Variants in AGMO observed in about 807,000 individuals in gnomAD.
AGMO encodes the protein glyceryl-ether monooxygenase.
Under a neutral mutation model 60.2 loss-of-function variants are expected in AGMO, and 75 were observed. That is an observed-to-expected ratio of 1.25 (90% confidence interval 1.03 to 1.51). The LOEUF (loss-of-function observed/expected upper bound fraction) is 1.51, where lower values mean the gene tolerates loss of function less well. AGMO is among the 40% of genes most tolerant of loss of function. AGMO has a pLI of 0.00. For missense variants in AGMO, 763 were observed against 525.5 expected (o/e 1.45, Z -4.42); for synonymous variants, 261 against 177.1 (o/e 1.47, Z -3.76).
At chr7:15,286,440 G>T (rs995643498) in intron 12 of AGMO, among the ~76,000 whole-genome samples, 1 of 151,972 alleles carries the variant, frequency 6.6e-6, no homozygotes, top group African/African-American at 2.4e-5. Flanking sequence ...CTCAAAAGAA[G>T]ATATACAAAT....
At chr7:15,348,000 G>C (rs923111789) in intron 12 of AGMO, among the ~76,000 whole-genome samples, 1 of 151,944 alleles carries the variant, frequency 6.6e-6, no homozygotes, top group Non-Finnish European at 1.5e-5. Flanking sequence ...CTCAGCTCTT[G>C]ATCTCAAAGA....
intron 12 of AGMO, among the ~76,000 whole-genome samples, chr7:15,288,535 G>A (rs1784164990): frequency 6.6e-6 from 1 of 151,946 alleles, no homozygotes; most frequent in Non-Finnish European, 1.5e-5. Flanking sequence ...TATAAAGGCA[G>A]AGTCTTTCAC....
chr7:15,499,784 C>T (rs1783328245), intron 3 of AGMO, among the ~76,000 whole-genome samples: 1 of 151,398 alleles, frequency 6.6e-6, no homozygotes, highest in African/African-American at 2.4e-5. Flanking sequence ...CAAAAATGTG[C>T]AATGCAACTG....
chr7:15,317,048 T>A (rs1488415974), intron 12 of AGMO, among the ~76,000 whole-genome samples: 2 of 152,142 alleles, frequency 1.3e-5, no homozygotes, highest in Admixed American at 1.3e-4. Context: ...AGTCAGTATT[T>A]TAAAAATACT....
chr7:15,341,995 G>A (rs1297185520), intron 12 of AGMO, among the ~76,000 whole-genome samples: 1 of 151,768 alleles, frequency 6.6e-6, no homozygotes, highest in Non-Finnish European at 1.5e-5. Context: ...AATTCAAGAT[G>A]AGATTTGGGT....
rs578128884 is a variant in AGMO, at chr7:15,288,322, T to G, written c.1263+77192A>C. Among the ~76,000 whole-genome samples the G allele has an allele frequency of 7.8e-4, 119 of 152,290 alleles. 1 individual carries two copies. The highest frequency in any genetic ancestry group is 2.8e-3 in the African/African-American group (116 of 41,564). On this transcript the variant is annotated intron_variant, in intron 12 of 12. Transcript: ENST00000342526. The stretch of plus-strand genomic sequence containing the variant: ...ACTTTTCTAAACATTGTTTTCCTAG[T>G]AAAACATTAAAATTTATAAATATAA...
chr7:15,458,174 A>T (rs1346273403), intron 3 of AGMO, among the ~76,000 whole-genome samples: 3 of 152,180 alleles, frequency 2.0e-5, no homozygotes, highest in African/African-American at 7.2e-5. Flanking sequence ...CCCAAAAAAG[A>T]CATCCTGTCC....
Position 15,504,699 on chromosome 7 carries a change from T to C in AGMO, c.409+40073A>G, listed in dbSNP as rs80025291. ...ATAGATAACAGTACTTTCTAACAAC[T>C]ACATTCTTGGATACAAGTTTATCCA... On this transcript the variant is annotated intron_variant, in intron 3 of 12. Coordinates refer to ENST00000342526, the MANE Select transcript of AGMO (RefSeq NM_001004320.2). 7.7e-3 allele frequency among the ~76,000 whole-genome samples: 1,166 copies of C among 151,322 alleles called. 18 individuals carry two copies. The highest frequency in any genetic ancestry group is 0.027 in the African/African-American group (1,096 of 41,216).
intron 3 of AGMO, among the ~76,000 whole-genome samples, chr7:15,539,907 A>G (rs1384577175): frequency 6.6e-6 from 1 of 152,086 alleles, no homozygotes; most frequent in Non-Finnish European, 1.5e-5. Context: ...AGCTTTTTTC[A>G]TATGAAAACC....
At chr7:15,537,710 C>T (rs916741084) in intron 3 of AGMO, among the ~76,000 whole-genome samples, 2 of 152,010 alleles carry the variant, frequency 1.3e-5, no homozygotes, top group Non-Finnish European at 2.9e-5. Flanking sequence ...TGCTTACAAA[C>T]CCTTGATAAT....
intron 5 of AGMO, among the ~76,000 whole-genome samples, chr7:15,399,319 G>A (rs1784493723): frequency 6.6e-6 from 1 of 152,048 alleles, no homozygotes; most frequent in Admixed American, 6.6e-5. Context: ...ATTATATACT[G>A]AAAAGGAAAC....
Position 15,524,351 on chromosome 7 carries a change from T to A in AGMO, c.409+20421A>T, listed in dbSNP as rs114555942. On this transcript the variant is annotated intron_variant, in intron 3 of 12. Transcript: ENST00000342526. ...AAATCATGATTTTATAACTCCAGTATAATAATTGATTCAGACGATTTTCAA... is the reference window on the plus strand; with the variant it reads ...AAATCATGATTTTATAACTCCAGTAAAATAATTGATTCAGACGATTTTCAA... Among the ~76,000 whole-genome samples the A allele has an allele frequency of 7.9e-3, 1,196 of 152,258 alleles. 19 individuals are homozygous for A. Among genetic ancestry groups the A allele is most frequent in the African/African-American group, 0.027 (1,137 of 41,538 alleles).
At chr7:15,526,204 C>A (rs1784125323) in intron 3 of AGMO, among the ~76,000 whole-genome samples, 1 of 152,046 alleles carries the variant, frequency 6.6e-6, no homozygotes, top group Non-Finnish European at 1.5e-5. Context: ...CGTTGCTGGC[C>A]GAAGGTCTCT....
chr7:15,134,972 C>T, the AGMO span, among the ~76,000 whole-genome samples: 2 of 151,978 alleles, frequency 1.3e-5, no homozygotes, highest in Non-Finnish European at 1.5e-5. Flanking sequence ...GGTAACTCTC[C>T]TTATTTCAAG....
chr7:15,372,811 G>C (rs73064591), intron 10 of AGMO, among the ~76,000 whole-genome samples: 28,296 of 152,016 alleles, frequency 0.19, 2,861 homozygotes, highest in Middle Eastern at 0.24. Flanking sequence ...TTCATATAAA[G>C]TATCTCTGTC....
chr7:15,133,498 A>AGCT, the AGMO span, among the ~76,000 whole-genome samples: 64,671 of 151,658 alleles, frequency 0.43, 14,080 homozygotes, highest in South Asian at 0.55. Flanking sequence ...GAATACCATT[A>AGCT]GCTGGAGGCT....
chr7:15,139,573 T>C, the AGMO span, among the ~76,000 whole-genome samples: 1 of 152,094 alleles, frequency 6.6e-6, no homozygotes, highest in Non-Finnish European at 1.5e-5. Context: ...GTTCATGAGT[T>C]CTCATCATTT....
At chr7:15,238,959 T>A (rs1423210589) in intron 12 of AGMO, among the ~76,000 whole-genome samples, 1 of 152,144 alleles carries the variant, frequency 6.6e-6, no homozygotes, top group Non-Finnish European at 1.5e-5. Context: ...TTATTGCACA[T>A]AATGACTTTT....
the AGMO span, among the ~76,000 whole-genome samples, chr7:15,130,367 C>G: frequency 2.0e-5 from 3 of 149,208 alleles, no homozygotes; most frequent in African/African-American, 7.4e-5. Context: ...TTGCTTTTTT[C>G]TCTCCTAGAA....
Sources: gnomAD v4.1 joint callset for allele counts (sites outside exome capture counted in the v4.1 genomes callset) on GRCh38, gnomAD v4.1.1 for gene constraint, MANE v1.5 for transcripts, NCBI Gene and HGNC (gene_info 2026-07-23, HGNC 2026-07-21) for gene names.